The following CDS1 variants were observed in gnomAD, a reference collection of about 807,000 sequenced individuals.
CDS1 encodes phosphatidate cytidylyltransferase 1.
Under a neutral mutation model 62.1 loss-of-function variants are expected in CDS1, and 41 were observed. That is an observed-to-expected ratio of 0.66 (90% CI 0.51 to 0.86). The LOEUF is 0.86. CDS1 is among the 40% of genes least tolerant of loss of function. CDS1 has a pLI of 0.00. For missense variants in CDS1, 470 were observed against 550.1 expected, an observed-to-expected ratio of 0.85 and a Z score of 1.46; for synonymous variants, 185 against 192.6, an observed-to-expected ratio of 0.96 and a Z score of 0.32.
At chr4:84,635,597 GC>G (rs1724161015) in intron 8 of CDS1, among the ~76,000 whole-genome samples, 1 of 81,010 alleles carries the variant, frequency 1.2e-5, no homozygotes, top group Non-Finnish European at 2.4e-5. Context: ...CTGCCTGCCT[GC>G]CTGCCTGCCT....
At chr4:84,585,745 C>T (rs547418026) in intron 1 of CDS1, among the ~76,000 whole-genome samples, 67 of 152,298 alleles carry the variant, frequency 4.4e-4, no homozygotes, top group Non-Finnish European at 7.6e-4. Flanking sequence ...AGAGAAGGCT[C>T]TGTACTCCAG....
At chr4:84,610,511 C>G (rs1723284990) in intron 3 of CDS1, among the ~76,000 whole-genome samples, 1 of 152,150 alleles carries the variant, frequency 6.6e-6, no homozygotes, top group Admixed American at 6.5e-5. Context: ...CAAACGGTTC[C>G]AAGATGCCTG....
chr4:84,624,820 A>G (rs1344604563), intron 5 of CDS1, among the ~76,000 whole-genome samples: 1 of 151,542 alleles, frequency 6.6e-6, no homozygotes, highest in Non-Finnish European at 1.5e-5. Context: ...TTTGTTCCAT[A>G]TATGACTTTT....
chr4:84,615,006 G>T (rs968705667), intron 3 of CDS1, among the ~76,000 whole-genome samples: 1 of 152,168 alleles, frequency 6.6e-6, no homozygotes, highest in African/African-American at 2.4e-5. Context: ...GGTATGGCCA[G>T]CTGTTTCAGA....
At chr4:84,629,652 T>C (rs1284281816) in intron 5 of CDS1, among the ~76,000 whole-genome samples, 1 of 152,178 alleles carries the variant, frequency 6.6e-6, no homozygotes, top group Non-Finnish European at 1.5e-5. Flanking sequence ...ATATTTAGCC[T>C]CAGCTATGCT....
chr4:84,626,049 C>A (rs1723847389), intron 5 of CDS1, among the ~76,000 whole-genome samples: 1 of 151,964 alleles, frequency 6.6e-6, no homozygotes, highest in South Asian at 2.1e-4. Flanking sequence ...TGCCTGTAAT[C>A]CCAGCTACTC....
At chr4:84,596,124 C>T (rs1722740364) in intron 1 of CDS1, among the ~76,000 whole-genome samples, 1 of 152,172 alleles carries the variant, frequency 6.6e-6, no homozygotes. Flanking sequence ...CACCAAGCTC[C>T]TGGTTGCAGG....
At chr4:84,583,935 G>T (rs1722337556) in intron 1 of CDS1, among the ~76,000 whole-genome samples, 1 of 152,144 alleles carries the variant, frequency 6.6e-6, no homozygotes, top group Non-Finnish European at 1.5e-5. Flanking sequence ...ACGTGCCACC[G>T]TCGGCTGTAT....
rs141786320 is a variant in CDS1, at chr4:84,621,410, G to A, written c.580+1877G>A. 8.6e-4 allele frequency among the ~76,000 whole-genome samples: 131 copies of A among 152,174 alleles called. 1 individual carries two copies. The highest frequency in any genetic ancestry group is 3.1e-3 in the African/African-American group (130 of 41,512). ...TTAAATAGTTATGATGTTCTTCTTG[G>A]TGCCCCTCAGCTCCTTCAGTTCCTA... is the stretch of plus-strand genomic sequence containing the variant. On this transcript the variant is annotated intron_variant, in intron 5 of 12. Coordinates refer to ENST00000295887, the MANE Select transcript of CDS1 (RefSeq NM_001263.4).
chr4:84,651,117 A>G lies in CDS1; in HGVS notation c.*2431A>G, dbSNP rs1478974398. ...TGGTGACGTACATTCACTATCTGAGAGTGAAAGACCACACACACCCCTCTT... is the reference window on the plus strand; with the variant it reads ...TGGTGACGTACATTCACTATCTGAGGGTGAAAGACCACACACACCCCTCTT... On this transcript the variant is annotated 3_prime_UTR_variant, in exon 13 of 13. Transcript: ENST00000295887. The G allele has an allele frequency of 2.6e-5, 4 of 152,170 alleles. No homozygotes were observed. The highest frequency in any genetic ancestry group is 9.7e-5 in the African/African-American group (4 of 41,428). 9.4% of individuals were successfully genotyped at this position (152,170 alleles called of 1,614,324 possible). A position where few individuals can be genotyped will look rare whatever the true frequency, so the allele number is the denominator to read the frequency against.
chr4:84,645,329 C>T lies in CDS1; in HGVS notation c.1256+4C>T, dbSNP rs1429769125. On this transcript the variant is annotated splice_donor_region_variant and intron_variant, in intron 12 of 12. Transcript: ENST00000295887. The stretch of plus-strand genomic sequence containing the variant: ...TGTACATCACAAGTTTTATAAGGTA[C>T]TTTTACACTTGAGACATTTTTTAGA... 1 of 1,509,360 alleles carries T rather than the reference C, an allele frequency of 6.6e-7. No homozygotes were observed. Among genetic ancestry groups the T allele is most frequent in the Admixed American group, 1.7e-5 (1 of 58,528 alleles). The allele number at this position is 1,509,360 out of a possible 1,614,324, so 93.5% of individuals were successfully genotyped here.
chr4:84,598,537 T>C (rs542059900), intron 1 of CDS1, among the ~76,000 whole-genome samples: 1 of 152,304 alleles, frequency 6.6e-6, no homozygotes, highest in East Asian at 1.9e-4. Flanking sequence ...ATGAGTGATT[T>C]AATATATTAT....
At chr4:84,628,193 T>G (rs1723914288) in intron 5 of CDS1, among the ~76,000 whole-genome samples, 1 of 152,134 alleles carries the variant, frequency 6.6e-6, no homozygotes, top group African/African-American at 2.4e-5. Context: ...TCAGAAGCTT[T>G]AGTATTCAAT....
chr4:84,620,324 G>A (rs1455638218), intron 5 of CDS1, among the ~76,000 whole-genome samples: 3 of 142,306 alleles, frequency 2.1e-5, no homozygotes, highest in African/African-American at 5.3e-5. Context: ...CCAGGTCCAC[G>A]CCATACTCCT....
At chr4:84,587,887 T>C (rs1045517234) in intron 1 of CDS1, among the ~76,000 whole-genome samples, 5 of 152,166 alleles carry the variant, frequency 3.3e-5, no homozygotes, top group Non-Finnish European at 7.4e-5. Flanking sequence ...TGAATATTTC[T>C]TTCAGACCTT....
At chr4:84,587,865 G>A (rs959874499) in intron 1 of CDS1, among the ~76,000 whole-genome samples, 1 of 151,942 alleles carries the variant, frequency 6.6e-6, no homozygotes, top group African/African-American at 2.4e-5. Flanking sequence ...AGCCCTCAGA[G>A]AGAATAGATG....
At chr4:84,595,421 T>C (rs1320466984) in intron 1 of CDS1, among the ~76,000 whole-genome samples, 2 of 152,188 alleles carry the variant, frequency 1.3e-5, no homozygotes, top group Non-Finnish European at 1.5e-5. Context: ...TCATACAATG[T>C]AAATTCTACA....
intron 1 of CDS1, among the ~76,000 whole-genome samples, chr4:84,597,219 T>G (rs376394637): frequency 6.6e-6 from 1 of 152,234 alleles, no homozygotes; most frequent in African/African-American, 2.4e-5. Context: ...GGAGAAAGAT[T>G]TGGGGACGAG....
At chr4:84,602,917 GAC>G (rs1722982116) in intron 1 of CDS1, among the ~76,000 whole-genome samples, 4 of 152,176 alleles carry the variant, frequency 2.6e-5, no homozygotes, top group African/African-American at 9.6e-5. Context: ...AGGGTACGTT[GAC>G]ACATTTAATT....
Sources: allele counts gnomAD v4.1 joint callset (sites outside exome capture counted in the v4.1 genomes callset), GRCh38; gene constraint gnomAD v4.1.1; transcripts MANE v1.5; gene names NCBI Gene and HGNC (gene_info 2026-07-23, HGNC 2026-07-21).